Variants in SEZ6 observed in about 807,000 individuals in gnomAD.
The protein encoded by SEZ6 is seizure protein 6 homolog.
In SEZ6, 53 loss-of-function variants were observed where a neutral mutation model predicts 101.0. The ratio of observed to expected loss-of-function variants is 0.52; its 90% CI spans 0.42 to 0.66. The LOEUF (loss-of-function observed/expected upper bound fraction) is 0.66, where lower values mean the gene tolerates loss of function less well. Ranked by LOEUF, SEZ6 falls within the 30% of genes least tolerant of loss-of-function variation. The pLI is 0.00. For synonymous variants in SEZ6, 488 were observed against 512.2 expected, an observed-to-expected ratio of 0.95 and a Z score of 0.64; for missense variants, 1,102 against 1,289.4, an observed-to-expected ratio of 0.85 and a Z score of 2.23.
intron 1 of SEZ6, among the ~76,000 whole-genome samples, chr17:28,991,930 A>G (rs2041466581): frequency 6.6e-6 from 1 of 152,160 alleles, no homozygotes; most frequent in Non-Finnish European, 1.5e-5. Flanking sequence ...GACAGCCAGG[A>G]ACACTTAGCT....
At chr17:28,982,512 CCA>C (rs2041323285) in intron 1 of SEZ6, among the ~76,000 whole-genome samples, 2 of 152,224 alleles carry the variant, frequency 1.3e-5, no homozygotes, top group African/African-American at 2.4e-5. Flanking sequence ...GTGTCTCCCA[CCA>C]CAGTGTCTTT....
At chr17:28,988,960 A>C (rs1332863269) in intron 1 of SEZ6, among the ~76,000 whole-genome samples, 1 of 152,202 alleles carries the variant, frequency 6.6e-6, no homozygotes, top group Non-Finnish European at 1.5e-5. Flanking sequence ...ATCTGTGGGC[A>C]TACCTCCAGG....
At chr17:28,988,142 C>T (rs1274656201) in intron 1 of SEZ6, among the ~76,000 whole-genome samples, 1 of 152,204 alleles carries the variant, frequency 6.6e-6, no homozygotes, top group Non-Finnish European at 1.5e-5. Flanking sequence ...GCCCCAATTG[C>T]TCACGCGATT....
intron 4 of SEZ6, among the ~76,000 whole-genome samples, chr17:28,964,882 C>G (rs888178857): frequency 4.0e-5 from 6 of 151,440 alleles, no homozygotes. Context: ...CATGGATAAA[C>G]CCCGTCTCTA....
chr17:28,960,046 G>C (rs1408405039), intron 7 of SEZ6, among the ~76,000 whole-genome samples, 154 bp from the exon 8 acceptor site: 2 of 152,142 alleles, frequency 1.3e-5, no homozygotes, highest in Non-Finnish European at 2.9e-5. Flanking sequence ...GATGGAGGAG[G>C]GACAGCCAAG....
intron 2 of SEZ6, among the ~76,000 whole-genome samples, chr17:28,981,052 T>C (rs2041293121): frequency 6.6e-6 from 1 of 152,110 alleles, no homozygotes; most frequent in Non-Finnish European, 1.5e-5. Flanking sequence ...CCCACCACCA[T>C]GCCCGGCTCA....
chr17:28,955,817 C>T lies in SEZ6; in HGVS notation c.*145G>A. 1.0e-6 allele frequency: 1 copy of T among 984,526 alleles called. No individual in the cohort carries two copies. Among genetic ancestry groups the T allele is most frequent in the Non-Finnish European group, 1.6e-6 (1 of 632,162 alleles). 61.0% of individuals were successfully genotyped at this position (984,526 alleles called of 1,614,324 possible). On this transcript the variant is annotated 3_prime_UTR_variant, in exon 17 of 17. Coordinates refer to ENST00000317338, the MANE Select transcript of SEZ6 (RefSeq NM_178860.5). ...TGGGCATCGCAGGCGGGGAAGGGCA[C>T]AACTTCTTGAGGGCTTGGTGGCATC...
In SEZ6 at chr17:28,980,359, A is replaced by T. The variant is rs889075520; in HGVS notation, c.725-546T>A. ...GTAGCTAGGATTACAGGTGTACACC[A>T]CCATGCCTGGCTATTTTTTTTTTTT... is the stretch of plus-strand genomic sequence containing the variant. On this transcript the variant is annotated intron_variant, in intron 2 of 16. Transcript: ENST00000317338. 1.5e-4 allele frequency among the ~76,000 whole-genome samples: 22 copies of T among 147,162 alleles called. 1 individual carries two copies. Among genetic ancestry groups the T allele is most frequent in the Non-Finnish European group, 3.0e-4 (20 of 66,892 alleles).
At chr17:28,984,324 G>T (rs562051189) in intron 1 of SEZ6, among the ~76,000 whole-genome samples, 1 of 152,200 alleles carries the variant, frequency 6.6e-6, no homozygotes, top group African/African-American at 2.4e-5. Context: ...CTAGCATGGC[G>T]CAAGGAAGGG....
chr17:28,972,074 C>G (rs1298346372), intron 3 of SEZ6, among the ~76,000 whole-genome samples: 1 of 152,168 alleles, frequency 6.6e-6, no homozygotes, highest in Non-Finnish European at 1.5e-5. Context: ...ACATATGGGA[C>G]TCTGCGGGGG....
rs61737975 is a variant in SEZ6 at position 28,981,932 on chromosome 17, C to T, written c.163G>A (p.Val55Ile). 603 of 1,613,836 alleles carry T rather than the reference C, an allele frequency of 3.7e-4. 3 individuals carry two copies. The African/African-American group carries it at 6.8e-3, about 18-fold the overall frequency. Residue 55 changes from valine (V) to isoleucine (I), a missense_variant, in exon 2 of 17, where the codon GTC (valine) becomes ATC (isoleucine). Transcript: ENST00000317338. ...APTPEQPERG[V>I]HFVTTAPTLK... ...GTGGGGGCTGTTGTGACAAAGTGGA[C>T]GCCTCGTTCTGGCTGCTCAGGTGTG...
At chr17:28,957,693 A>C in intron 11 of SEZ6, 154 bp from the exon 12 acceptor site, 1 of 919,604 alleles carries the variant, frequency 1.1e-6, no homozygotes, top group African/African-American at 1.7e-5. Context: ...GTGTCCCCCC[A>C]TTTGTCCCCT....
chr17:28,963,321 C>G (rs1311320972), intron 5 of SEZ6, among the ~76,000 whole-genome samples: 1 of 152,176 alleles, frequency 6.6e-6, no homozygotes, highest in Non-Finnish European at 1.5e-5. Context: ...TTCCCCAAAT[C>G]ACAATCTAAG....
intron 4 of SEZ6, 39 bp downstream of exon 4, chr17:28,969,718 A>G: frequency 7.0e-7 from 1 of 1,429,068 alleles, no homozygotes; most frequent in Non-Finnish European, 9.1e-7. Context: ...GAGGGCAGCG[A>G]GTCTGGGCTG....
At chr17:29,006,257 G>A, upstream of SEZ6, 1 of 163,066 alleles carries the variant, frequency 6.1e-6, no homozygotes, top group Non-Finnish European at 1.3e-5. Context: ...CCCGTTAACG[G>A]CCTGCTAAGG....
intron 1 of SEZ6, among the ~76,000 whole-genome samples, chr17:28,985,932 GT>G (rs1314353945): frequency 6.6e-6 from 1 of 152,208 alleles, no homozygotes; most frequent in Non-Finnish European, 1.5e-5. Flanking sequence ...GCACTCCGCA[GT>G]TGCTCAGTCC....
chr17:28,960,932 T>A lies in SEZ6; in HGVS notation c.1282A>T (p.Ile428Phe), dbSNP rs2040967954. The change falls in exon 6 of 17, where the codon ATC becomes TTC. Residue 428 changes from isoleucine (I) to phenylalanine (F), a missense_variant. Around this residue, in one of 3 missense-constraint regions of SEZ6, gnomAD observed 556 missense variants for 735.1 expected, o/e 0.76. Transcript: ENST00000317338. ...TTGCCCGGGAAGCCTGGAGAGACGATGCGGCCGGTGGTGGCATTGCGGATC... is the reference window on the plus strand; with the variant it reads ...TTGCCCGGGAAGCCTGGAGAGACGAAGCGGCCGGTGGTGGCATTGCGGATC... ...GVIRNATTGR[I>F]VSPGFPGNYS... 6.2e-7 allele frequency: 1 copy of A among 1,613,736 alleles called. No individual in the cohort carries two copies. Among genetic ancestry groups the A allele is most frequent in the African/African-American group, 1.3e-5 (1 of 74,906 alleles).
In SEZ6 at chr17:28,957,437, C is replaced by A; in HGVS notation, c.2405G>T (p.Gly802Val). 1 of 1,613,814 alleles carries A rather than the reference C, an allele frequency of 6.2e-7. No individual in the cohort carries two copies. Among genetic ancestry groups the A allele is most frequent in the Non-Finnish European group, 8.5e-7 (1 of 1,179,732 alleles). ...GATGGAGCTGCCCATCAGCACAAAA[C>A]CCTGGTCACAGATATATTGCACGGT... ...GATVQYICDQ[G>V]FVLMGSSILT... is the part of the protein sequence containing the mutation. Residue 802 changes from glycine to valine, a missense_variant, in exon 12 of 17, where the codon GGT becomes GTT. Gly to Val is a moderately radical substitution (Grantham distance 109). This residue lies in a region of SEZ6 where 556 missense variants were observed against 735.1 expected (regional missense o/e 0.76). Coordinates refer to ENST00000317338, the MANE Select transcript of SEZ6 (RefSeq NM_178860.5).
At chr17:28,991,439 C>T (rs2152691630) in intron 1 of SEZ6, among the ~76,000 whole-genome samples, 1 of 152,354 alleles carries the variant, frequency 6.6e-6, no homozygotes, top group East Asian at 1.9e-4. Flanking sequence ...CTCCTGACCT[C>T]AGGTGATCGG....
Sources: gnomAD v4.1 joint callset for allele counts (sites outside exome capture counted in the v4.1 genomes callset) on GRCh38, gnomAD v4.1.1 for gene constraint, gnomAD v4.1.1 regional missense constraint, MANE v1.5 for transcripts, NCBI Gene and HGNC (gene_info 2026-07-23, HGNC 2026-07-21) for gene names.